SHROOM3: variants seen among roughly 807,000 people sequenced by gnomAD.
The protein encoded by SHROOM3 is shroom family member 3.
A neutral mutation model predicts 138.6 loss-of-function variants in SHROOM3; 47 were observed. The observed-to-expected ratio is 0.34, with a 90% CI of 0.27 to 0.43. The LOEUF (loss-of-function observed/expected upper bound fraction) is 0.43. Among genes scored for constraint, SHROOM3 ranks in the 20% least tolerant of loss-of-function variants. The pLI is 1.00. For missense variants in SHROOM3, 2,491 were observed against 2,596.5 expected (o/e 0.96, Z 0.88); for synonymous variants, 1,062 against 1,063.3 (o/e 1.00, Z 0.02).
At chr4:76,643,883 T>A (rs1735746708) in intron 2 of SHROOM3, among the ~76,000 whole-genome samples, 1 of 152,194 alleles carries the variant, frequency 6.6e-6, no homozygotes, top group Non-Finnish European at 1.5e-5. Context: ...TTGCTCTTGT[T>A]GCCCAGGCTG....
At position 76,782,366 on chromosome 4, in the gene SHROOM3, G is replaced by T. The variant is rs928292899; in HGVS notation, c.*3189G>T. On this transcript the variant is annotated 3_prime_UTR_variant, in exon 11 of 11. Transcript: ENST00000296043. The stretch of plus-strand genomic sequence containing the variant: ...GCTGTCTTTTAAGGTGAGGAGTGTG[G>T]GCTTAACTGAGGTCCTTTGAGGGAG... 1.3e-5 allele frequency: 2 copies of T among 152,182 alleles called. No individual in the cohort carries two copies. The highest frequency in any genetic ancestry group is 2.9e-5 in the Non-Finnish European group (2 of 68,030). The allele number at this position is 152,182 out of a possible 1,614,324, so 9.4% of individuals were successfully genotyped here. A position where few individuals can be genotyped will look rare whatever the true frequency, so the allele number is the denominator to read the frequency against.
chr4:76,469,560 A>G (rs948132711), intron 1 of SHROOM3, among the ~76,000 whole-genome samples: 7 of 152,094 alleles, frequency 4.6e-5, no homozygotes, highest in Non-Finnish European at 8.8e-5. Flanking sequence ...AGGTTCAAGC[A>G]ATTCTCCTGC....
rs199823641 is a variant in SHROOM3, at chr4:76,746,781, CATTATTATTATTATTATTATTATT to C, written c.3754-2208_3754-2185del. 5.6e-3 allele frequency among the ~76,000 whole-genome samples: 792 copies of C among 140,586 alleles called. 7 individuals carry two copies. Among genetic ancestry groups the C allele is most frequent in the African/African-American group, 0.019 (750 of 38,470 alleles). The allele number at this position is 140,586 out of a possible 152,430, so 92.2% of individuals were successfully genotyped here. ...TGAGATTCAGTAGACTTTAGATTTA[CATTATTATTATTATTATTATTATT>C]ATTATTATTATTATTATTATTATTA... On this transcript the variant is annotated intron_variant, in intron 5 of 10. Transcript: ENST00000296043.
At chr4:76,772,107 T>TTC (rs1196440649) in intron 10 of SHROOM3, among the ~76,000 whole-genome samples, 8 of 145,538 alleles carry the variant, frequency 5.5e-5, no homozygotes, top group South Asian at 2.2e-4. Context: ...CTTTTTCTTT[T>TTC]TTTTTTTTTT....
intron 2 of SHROOM3, among the ~76,000 whole-genome samples, chr4:76,621,270 G>C (rs1256681002): frequency 1.3e-5 from 2 of 152,150 alleles, no homozygotes; most frequent in African/African-American, 4.8e-5. Context: ...GTGATCATCA[G>C]ACTGTTCCAG....
intron 2 of SHROOM3, among the ~76,000 whole-genome samples, chr4:76,599,214 G>A (rs981261930): frequency 1.3e-5 from 2 of 152,110 alleles, no homozygotes; most frequent in South Asian, 4.1e-4. Flanking sequence ...AACAATAAAA[G>A]CGTTCTTTAT....
rs750742 is a variant in SHROOM3 at position 76,689,363 on chromosome 4, G to C, written c.324-20793G>C. Among the ~76,000 whole-genome samples the C allele has an allele frequency of 3.0e-3, 316 of 104,092 alleles. 5 individuals carry two copies. The East Asian group carries it at 0.056, about 18-fold the overall frequency. 68.3% of individuals were successfully genotyped at this position (104,092 alleles called of 152,430 possible). A position where few individuals can be genotyped will look rare whatever the true frequency, so the allele number is the denominator to read the frequency against. The stretch of plus-strand genomic sequence containing the variant: ...GATTACCTGGTGGCGAGCGAGCGCC[G>C]AGCCAGCGCCGAGCCAGCGCGGCCC... On this transcript the variant is annotated intron_variant, in intron 2 of 10. Coordinates refer to ENST00000296043, the MANE Select transcript of SHROOM3 (RefSeq NM_020859.4).
chr4:76,604,964 A>G (rs1335900494), intron 2 of SHROOM3, among the ~76,000 whole-genome samples: 1 of 152,252 alleles, frequency 6.6e-6, no homozygotes, highest in Non-Finnish European at 1.5e-5. Flanking sequence ...TCAATCTAAT[A>G]TATTTCCCTG....
intron 2 of SHROOM3, among the ~76,000 whole-genome samples, chr4:76,657,619 G>A (rs1577956146): frequency 6.6e-6 from 1 of 152,338 alleles, no homozygotes; most frequent in East Asian, 1.9e-4. Context: ...TAGTGAGGGT[G>A]CTGCTGTTTG....
At chr4:76,436,352 T>C in intron 1 of SHROOM3, 132 bp downstream of exon 1, 2 of 1,026,776 alleles carry the variant, frequency 1.9e-6, no homozygotes, top group Non-Finnish European at 2.9e-6. Context: ...TCTGATTATC[T>C]AGAAATATTT....
intron 1 of SHROOM3, among the ~76,000 whole-genome samples, chr4:76,484,565 T>G (rs1306741493): frequency 6.8e-6 from 1 of 146,688 alleles, no homozygotes; most frequent in Non-Finnish European, 1.5e-5. Flanking sequence ...CCTGAGACCC[T>G]TACTCTAAAA....
rs866118628 is a variant in SHROOM3, at chr4:76,606,292, G to C, written c.323+50529G>C. On this transcript the variant is annotated intron_variant, in intron 2 of 10. Transcript: ENST00000296043. Reference sequence around the variant, plus strand: ...CTCCCAAAGTGCTGGGATTACAGGTGTGAGCCACCAAATACTATATATTTT... The same window carrying C: ...CTCCCAAAGTGCTGGGATTACAGGTCTGAGCCACCAAATACTATATATTTT... Among the ~76,000 whole-genome samples, 4 of 151,368 alleles carry C rather than the reference G, an allele frequency of 2.6e-5. No homozygotes were observed. In the South Asian group the frequency reaches 6.3e-4, roughly 24 times the overall value.
chr4:76,700,477 T>A (rs892669657), intron 2 of SHROOM3, among the ~76,000 whole-genome samples: 2 of 152,182 alleles, frequency 1.3e-5, no homozygotes, highest in Non-Finnish European at 2.9e-5. Flanking sequence ...TAAAAGTGAA[T>A]GACAAGGAGA....
intron 3 of SHROOM3, among the ~76,000 whole-genome samples, chr4:76,712,838 C>G (rs1185465460): frequency 6.6e-6 from 1 of 152,112 alleles, no homozygotes; most frequent in African/African-American, 2.4e-5. Flanking sequence ...CTTACACAAA[C>G]CTAGATGGTG....
At chr4:76,483,397 A>G (rs1731659154) in intron 1 of SHROOM3, among the ~76,000 whole-genome samples, 2 of 152,224 alleles carry the variant, frequency 1.3e-5, no homozygotes, top group South Asian at 4.1e-4. Context: ...TATGAAAAAA[A>G]GCTCATCATC....
rs534735946 is a variant in SHROOM3, at chr4:76,576,124, C to T, written c.323+20361C>T. On this transcript the variant is annotated intron_variant, in intron 2 of 10. Coordinates refer to ENST00000296043, the MANE Select transcript of SHROOM3 (RefSeq NM_020859.4). Reference sequence around the variant, plus strand: ...AAAACCTAAAAAGAAAGCTACCATACGATCCAGCAATCCCACTATGGGGTA... The same window carrying T: ...AAAACCTAAAAAGAAAGCTACCATATGATCCAGCAATCCCACTATGGGGTA... Among the ~76,000 whole-genome samples, 106 of 152,236 alleles carry T rather than the reference C, an allele frequency of 7.0e-4. No individual in the cohort carries two copies. In the South Asian group the frequency reaches 0.015, roughly 21 times the overall value.
intron 1 of SHROOM3, among the ~76,000 whole-genome samples, chr4:76,520,510 G>T (rs532412079): frequency 2.6e-5 from 4 of 152,160 alleles, no homozygotes; most frequent in African/African-American, 9.7e-5. Context: ...GCCCAGAAAG[G>T]TTGCATAATG....
At chr4:76,442,037 A>T (rs1220646668) in intron 1 of SHROOM3, among the ~76,000 whole-genome samples, 1 of 152,140 alleles carries the variant, frequency 6.6e-6, no homozygotes, top group Non-Finnish European at 1.5e-5. Flanking sequence ...GTGGCTTTTT[A>T]TTATACAGGT....
chr4:76,651,815 G>A, intron 2 of SHROOM3, among the ~76,000 whole-genome samples: 1 of 152,114 alleles, frequency 6.6e-6, no homozygotes, highest in East Asian at 1.9e-4. Context: ...GAAATTCTTT[G>A]TCATAAACCA....
Sources: allele counts gnomAD v4.1 joint callset (sites outside exome capture counted in the v4.1 genomes callset), GRCh38; gene constraint gnomAD v4.1.1; transcripts MANE v1.5; gene names NCBI Gene and HGNC (gene_info 2026-07-23, HGNC 2026-07-21).